The following ATG5 variants were observed in gnomAD, a reference collection of about 807,000 sequenced individuals.
ATG5 encodes the protein autophagy related 5, also known as autophagy protein 5.
Under a neutral mutation model 36.5 loss-of-function variants are expected in ATG5, and 14 were observed. The observed-to-expected ratio is 0.38, with a 90% CI of 0.25 to 0.60. ATG5 has a LOEUF of 0.60. Among genes scored for constraint, ATG5 ranks in the 20% least tolerant of loss-of-function variants. ATG5 has a pLI of 0.60. For missense variants in ATG5, 195 were observed against 326.7 expected, an observed-to-expected ratio of 0.60 and a Z score of 3.11; for synonymous variants, 95 against 101.5, an observed-to-expected ratio of 0.94 and a Z score of 0.38.
chr6:106,298,068 G>A (rs2763217), intron 3 of ATG5, among the ~76,000 whole-genome samples: 13,115 of 150,972 alleles, frequency 0.087, 585 homozygotes, highest in South Asian at 0.13. Flanking sequence ...AGGTTCAAGC[G>A]ATTCTCCTGC....
intron 6 of ATG5, among the ~76,000 whole-genome samples, chr6:106,247,908 T>G (rs1220792219): frequency 6.6e-6 from 1 of 152,172 alleles, no homozygotes; most frequent in Admixed American, 6.5e-5. Flanking sequence ...GGGTTACACA[T>G]AAATTTTAGT....
intron 6 of ATG5, among the ~76,000 whole-genome samples, chr6:106,235,077 T>C (rs193046572): frequency 2.0e-5 from 3 of 152,308 alleles, no homozygotes; most frequent in Non-Finnish European, 4.4e-5. Context: ...GAATACAACG[T>C]AGAACAGAGG....
intron 2 of ATG5, among the ~76,000 whole-genome samples, chr6:106,312,115 G>A (rs1430599321): frequency 2.6e-5 from 4 of 152,218 alleles, no homozygotes; most frequent in Non-Finnish European, 5.9e-5. Context: ...ACAGGCGTGA[G>A]CCACTGTGCC....
At chr6:106,296,015 C>A (rs554367331) in intron 3 of ATG5, among the ~76,000 whole-genome samples, 4 of 151,970 alleles carry the variant, frequency 2.6e-5, no homozygotes, top group Non-Finnish European at 5.9e-5. Flanking sequence ...GAAGCTTGAA[C>A]AAAGTACATA....
intron 5 of ATG5, among the ~76,000 whole-genome samples, chr6:106,277,095 T>G (rs1779687283): frequency 6.6e-6 from 1 of 152,344 alleles, no homozygotes; most frequent in African/African-American, 2.4e-5. Flanking sequence ...CAGTATACAC[T>G]GTCATAAAAT....
At chr6:106,212,371 A>G (rs1370858522) in intron 6 of ATG5, among the ~76,000 whole-genome samples, 2 of 152,210 alleles carry the variant, frequency 1.3e-5, no homozygotes, top group African/African-American at 4.8e-5. Context: ...CTGGGTGCAG[A>G]GGCTCATGCC....
chr6:106,263,219 A>T (rs763759071), intron 5 of ATG5, among the ~76,000 whole-genome samples: 1 of 152,198 alleles, frequency 6.6e-6, no homozygotes, highest in Non-Finnish European at 1.5e-5. Context: ...AGTGCTAAGG[A>T]GTCTGGGAGG....
chr6:106,292,614 C>T (rs965166941), intron 4 of ATG5, among the ~76,000 whole-genome samples: 6 of 151,998 alleles, frequency 3.9e-5, no homozygotes, highest in African/African-American at 9.7e-5. Flanking sequence ...TTTTTCTAGC[C>T]GACTTTTAAA....
intron 6 of ATG5, among the ~76,000 whole-genome samples, chr6:106,244,502 A>C (rs536629133): frequency 9.9e-5 from 15 of 152,270 alleles, no homozygotes; most frequent in South Asian, 6.2e-4. Context: ...CTCTTTGCCT[A>C]TCTTAAGTTC....
chr6:106,321,760 T>A (rs2114691357), intron 1 of ATG5, among the ~76,000 whole-genome samples: 1 of 152,300 alleles, frequency 6.6e-6, no homozygotes, highest in Non-Finnish European at 1.5e-5. Flanking sequence ...TGCACTATCA[T>A]GCAATGTAGT....
intron 5 of ATG5, among the ~76,000 whole-genome samples, chr6:106,257,337 A>G (rs1046529574): frequency 6.6e-5 from 10 of 152,228 alleles, no homozygotes; most frequent in Non-Finnish European, 1.0e-4. Flanking sequence ...ATCATTATCA[A>G]TTACTGTACA....
chr6:106,293,043 G>T lies in ATG5; in HGVS notation c.300C>A (p.Ile100=), dbSNP rs959488770. 2 of 1,613,212 alleles carry T rather than the reference G, an allele frequency of 1.2e-6. No individual in the cohort carries two copies. The highest frequency in any genetic ancestry group is 2.7e-5 in the African/African-American group (2 of 74,920). Residue 100 remains isoleucine (I), a synonymous_variant, in exon 4 of 8, where the codon ATC becomes ATA. Coordinates refer to ENST00000369076, the MANE Select transcript of ATG5 (RefSeq NM_004849.4). The part of the protein sequence containing the change: ...LASSSALPWN[I]TVHFKSFPEK... The stretch of plus-strand genomic sequence containing the variant: ...TTTACTATACCTTAAAATGTACTGT[G>T]ATGTTCCAAGGAAGAGCTGAACTTG...
rs542665821 is a variant in ATG5, at chr6:106,289,884, A to G, written c.315+3144T>C. Among the ~76,000 whole-genome samples the G allele has an allele frequency of 2.0e-5, 3 of 152,344 alleles. No homozygotes were observed. The East Asian group carries it at 5.8e-4, about 29-fold the overall frequency. On this transcript the variant is annotated intron_variant, in intron 4 of 7. Coordinates refer to ENST00000369076, the MANE Select transcript of ATG5 (RefSeq NM_004849.4). ...AACTTGCTTCTATGTTCAATATTCT[A>G]CAATATGTTGTTTTGGTTGAAGTAT...
At chr6:106,198,786 A>G (rs1336078781) in intron 7 of ATG5, among the ~76,000 whole-genome samples, 1 of 151,814 alleles carries the variant, frequency 6.6e-6, no homozygotes, top group Non-Finnish European at 1.5e-5. Flanking sequence ...GGAAAAAAAA[A>G]AGAGAGAGAG....
At chr6:106,266,604 A>G (rs953419920) in intron 5 of ATG5, among the ~76,000 whole-genome samples, 2 of 152,354 alleles carry the variant, frequency 1.3e-5, no homozygotes, top group African/African-American at 2.4e-5. Context: ...AATCCTCAAG[A>G]AAATTCTGGC....
intron 3 of ATG5, among the ~76,000 whole-genome samples, chr6:106,306,047 T>C (rs1358583068): frequency 1.3e-5 from 2 of 152,140 alleles, no homozygotes; most frequent in African/African-American, 4.8e-5. Flanking sequence ...GGAAGTGATA[T>C]AACACATAAA....
At chr6:106,306,344 TGATGAC>T (rs2114660641) in intron 3 of ATG5, among the ~76,000 whole-genome samples, 1 of 152,328 alleles carries the variant, frequency 6.6e-6, no homozygotes, top group East Asian at 1.9e-4. Context: ...AGCTGAAAGA[TGATGAC>T]TTAGCAATCA....
chr6:106,192,077 A>T (rs750535027), intron 7 of ATG5, among the ~76,000 whole-genome samples: 5 of 152,170 alleles, frequency 3.3e-5, no homozygotes, highest in Non-Finnish European at 7.4e-5. Flanking sequence ...AATGACATTA[A>T]GAAAAATTCT....
intron 5 of ATG5, among the ~76,000 whole-genome samples, chr6:106,277,870 G>T (rs1288945326): frequency 6.6e-6 from 1 of 152,084 alleles, no homozygotes; most frequent in African/African-American, 2.4e-5. Flanking sequence ...CAAGTTAAAA[G>T]AAATCCTAAT....
Sources: gnomAD v4.1 joint callset for allele counts (sites outside exome capture counted in the v4.1 genomes callset) on GRCh38, gnomAD v4.1.1 for gene constraint, MANE v1.5 for transcripts, NCBI Gene and HGNC (gene_info 2026-07-23, HGNC 2026-07-21) for gene names.